STYX: variants seen among roughly 807,000 people sequenced by gnomAD.
STYX encodes serine/threonine/tyrosine interacting protein, also known as serine/threonine/tyrosine-interacting protein.
Under a neutral mutation model 42.7 loss-of-function variants are expected in STYX, and 20 were observed. The observed-to-expected ratio is 0.47, with a 90% CI of 0.33 to 0.68. The LOEUF is 0.68. Ranked by LOEUF, STYX falls within the 30% of genes least tolerant of loss-of-function variation. The pLI is 0.02. For missense variants in STYX, 226 were observed against 268.5 expected, an observed-to-expected ratio of 0.84 and a Z score of 1.11; for synonymous variants, 78 against 81.9, an observed-to-expected ratio of 0.95 and a Z score of 0.26.
intron 1 of STYX, among the ~76,000 whole-genome samples, chr14:52,739,577 TA>T (rs1881099320): frequency 6.7e-6 from 1 of 149,928 alleles, no homozygotes; most frequent in Non-Finnish European, 1.5e-5. Context: ...GTACCATGAC[TA>T]AAAAGAGTAT....
At chr14:52,769,101 G>A (rs764847882) in intron 10 of STYX, among the ~76,000 whole-genome samples, 168 bp downstream of exon 10, 1 of 152,044 alleles carries the variant, frequency 6.6e-6, no homozygotes, top group African/African-American at 2.4e-5. Flanking sequence ...ACTATAATAA[G>A]CTTAAGTCTT....
chr14:52,757,146 T>G (rs912044766), intron 5 of STYX, among the ~76,000 whole-genome samples, 173 bp from the exon 6 acceptor site: 7 of 152,234 alleles, frequency 4.6e-5, no homozygotes, highest in African/African-American at 1.2e-4. Context: ...AAATTTTGGC[T>G]TCTTTAATTT....
At chr14:52,742,898 C>T (rs1254972) in intron 1 of STYX, among the ~76,000 whole-genome samples, 73,838 of 150,946 alleles carry the variant, frequency 0.49, 18,145 homozygotes, top group Middle Eastern at 0.57. Context: ...CAGGTTCAAG[C>T]GATTCTCCTG....
chr14:52,764,666 C>CTTTTTTTT (rs58502916), intron 9 of STYX, among the ~76,000 whole-genome samples: 99 of 98,958 alleles, frequency 1.0e-3, no homozygotes, highest in East Asian at 3.3e-3. Flanking sequence ...TTTACTTTTC[C>CTTTTTTTT]TTTTTTTTTT....
chr14:52,748,005 AAC>A (rs892132822), intron 3 of STYX, among the ~76,000 whole-genome samples: 9 of 152,314 alleles, frequency 5.9e-5, no homozygotes, highest in African/African-American at 2.2e-4. Flanking sequence ...ATGAAACAAA[AAC>A]ACGCACAAAA....
chr14:52,733,337 ACT>A (rs747961167), intron 1 of STYX, among the ~76,000 whole-genome samples: 33 of 151,924 alleles, frequency 2.2e-4, no homozygotes, highest in African/African-American at 7.7e-4. Flanking sequence ...TTGAAAACAC[ACT>A]CTTTTTTTTA....
At chr14:52,732,456 G>C (rs373205733) in intron 1 of STYX, among the ~76,000 whole-genome samples, 1 of 151,630 alleles carries the variant, frequency 6.6e-6, no homozygotes, top group Non-Finnish European at 1.5e-5. Flanking sequence ...TGTATTTTTA[G>C]TAGAGACGGG....
intron 1 of STYX, among the ~76,000 whole-genome samples, chr14:52,732,132 T>C (rs1172923994): frequency 2.0e-5 from 3 of 149,710 alleles, no homozygotes; most frequent in Non-Finnish European, 4.5e-5. Context: ...GTTTCACTCT[T>C]GTTGCCCCAG....
intron 1 of STYX, among the ~76,000 whole-genome samples, chr14:52,738,204 A>C (rs1881038555): frequency 6.6e-6 from 1 of 152,236 alleles, no homozygotes; most frequent in African/African-American, 2.4e-5. Flanking sequence ...TGTGAGAGAA[A>C]GCTTTCTAGG....
At chr14:52,749,157 T>C (rs1027060272) in intron 3 of STYX, among the ~76,000 whole-genome samples, 2 of 152,162 alleles carry the variant, frequency 1.3e-5, no homozygotes, top group Admixed American at 1.3e-4. Context: ...GATCCCTCCC[T>C]TCTTGCTGTA....
intron 3 of STYX, among the ~76,000 whole-genome samples, chr14:52,750,016 T>G (rs936291176): frequency 1.3e-5 from 2 of 152,202 alleles, no homozygotes. Context: ...AGTATGTATA[T>G]GCAAATATTT....
At position 52,774,209 on chromosome 14, in the gene STYX, G is replaced by C. The variant is rs1047391986; in HGVS notation, c.*3103G>C. The C allele has an allele frequency of 5.9e-5, 9 of 152,110 alleles. No homozygotes were observed. Among genetic ancestry groups the C allele is most frequent in the African/African-American group, 2.2e-4 (9 of 41,428 alleles). The allele number at this position is 152,110 out of a possible 1,614,324, so 9.4% of individuals were successfully genotyped here. A position where few individuals can be genotyped will look rare whatever the true frequency, so the allele number is the denominator to read the frequency against. On this transcript the variant is annotated 3_prime_UTR_variant, in exon 11 of 11. Transcript: ENST00000354586. ...AGAGTTTATGCTTCATCTGAGTTTAGAAGTAATGTCAGAAAATGTTAAGCA... is the reference window on the plus strand; with the variant it reads ...AGAGTTTATGCTTCATCTGAGTTTACAAGTAATGTCAGAAAATGTTAAGCA...
intron 3 of STYX, among the ~76,000 whole-genome samples, chr14:52,750,286 C>G (rs1881560486): frequency 6.6e-6 from 1 of 152,020 alleles, no homozygotes; most frequent in Non-Finnish European, 1.5e-5. Context: ...TCGGTGATGT[C>G]CAAGTATTTG....
chr14:52,760,813 TA>T (rs1882061739), intron 9 of STYX, among the ~76,000 whole-genome samples: 1 of 152,160 alleles, frequency 6.6e-6, no homozygotes, highest in African/African-American at 2.4e-5. Context: ...AACTATTTTT[TA>T]AGCTTTTCTT....
rs1476470803 is a variant in STYX at position 52,745,025 on chromosome 14, A to C, written c.90+141A>C. 3 of 657,656 alleles carry C rather than the reference A, an allele frequency of 4.6e-6. No individual in the cohort carries two copies. The African/African-American group carries it at 5.8e-5, about 13-fold the overall frequency. 40.7% of individuals were successfully genotyped at this position (657,656 alleles called of 1,614,324 possible). On this transcript the variant is annotated intron_variant, in intron 2 of 10. Transcript: ENST00000354586. ...TTTAAATAATTATTTTAAATATTTA[A>C]GGTTAATCTTGGATCTTAAAACGAT...
intron 10 of STYX, among the ~76,000 whole-genome samples, chr14:52,770,561 A>G (rs1164754395): frequency 6.6e-6 from 1 of 152,084 alleles, no homozygotes; most frequent in East Asian, 1.9e-4. Flanking sequence ...CTTTCTCCCA[A>G]CCTAGACTTC....
chr14:52,751,733 C>T (rs1050746667), intron 4 of STYX, among the ~76,000 whole-genome samples: 1 of 151,974 alleles, frequency 6.6e-6, no homozygotes, highest in African/African-American at 2.4e-5. Context: ...GAGTATATTA[C>T]GCATGGTACA....
At chr14:52,755,815 G>A (rs1881842303) in intron 4 of STYX, among the ~76,000 whole-genome samples, 1 of 149,926 alleles carries the variant, frequency 6.7e-6, no homozygotes, top group South Asian at 2.1e-4. Context: ...CCTCTGAAAT[G>A]TCCTCTGTAG....
rs113868213 is a variant in STYX at position 52,736,867 on chromosome 14, T to C, written c.57+6336T>C. Among the ~76,000 whole-genome samples, 655 of 152,314 alleles carry C rather than the reference T, an allele frequency of 4.3e-3. 5 individuals carry two copies. The highest frequency in any genetic ancestry group is 0.015 in the African/African-American group (618 of 41,566). On this transcript the variant is annotated intron_variant, in intron 1 of 10. Coordinates refer to ENST00000354586, the MANE Select transcript of STYX (RefSeq NM_145251.4). The stretch of plus-strand genomic sequence containing the variant: ...CCTCCAGTCCCTGCCCACCTTCTCT[T>C]TTTATTTGAGTGAAACATTTTCTTT...
Sources: allele counts gnomAD v4.1 joint callset (sites outside exome capture counted in the v4.1 genomes callset), GRCh38; gene constraint gnomAD v4.1.1; transcripts MANE v1.5; gene names NCBI Gene and HGNC (gene_info 2026-07-23, HGNC 2026-07-21).